The following OXR1 variants were observed in gnomAD, a reference collection of about 807,000 sequenced individuals.
OXR1 encodes oxidation resistance protein 1.
In OXR1, 41 loss-of-function variants were observed where a neutral mutation model predicts 104.6. That is an observed-to-expected ratio of 0.39 (90% CI 0.31 to 0.51). The LOEUF (loss-of-function observed/expected upper bound fraction) is 0.51, where lower values mean the gene tolerates loss of function less well. OXR1 is among the 20% of genes least tolerant of loss of function. OXR1 has a pLI of 0.77. For synonymous variants in OXR1, 348 were observed against 348.4 expected, an observed-to-expected ratio of 1.00 and a Z score of 0.01; for missense variants, 955 against 1,031.9, an observed-to-expected ratio of 0.93 and a Z score of 1.02.
chr8:106,532,174 G>T (rs1197343534), intron 3 of OXR1, among the ~76,000 whole-genome samples: 2 of 152,200 alleles, frequency 1.3e-5, no homozygotes, highest in Admixed American at 1.3e-4. Flanking sequence ...ACTTGTGAAG[G>T]GCTTTGCCTA....
intron 3 of OXR1, among the ~76,000 whole-genome samples, chr8:106,525,718 T>A (rs1813614487): frequency 6.6e-6 from 1 of 152,188 alleles, no homozygotes. Context: ...TCTGGAACTT[T>A]CCTTCAGTTG....
intron 11 of OXR1, among the ~76,000 whole-genome samples, chr8:106,728,075 A>G (rs1449332915): frequency 6.6e-6 from 1 of 152,072 alleles, no homozygotes; most frequent in Non-Finnish European, 1.5e-5. Context: ...TCTTTGTTTT[A>G]AAGCAGAGAT....
At chr8:106,311,250 G>C (rs1450578343) in intron 1 of OXR1, among the ~76,000 whole-genome samples, 1 of 151,818 alleles carries the variant, frequency 6.6e-6, no homozygotes. Context: ...TTTCATGTTT[G>C]CATGTCTTCT....
intron 7 of OXR1, among the ~76,000 whole-genome samples, chr8:106,696,668 G>A (rs1830062226): frequency 6.6e-6 from 1 of 152,068 alleles, no homozygotes; most frequent in Non-Finnish European, 1.5e-5. Context: ...GATCCGTAGT[G>A]GTAATATCTC....
rs115695180 is a variant in OXR1 at position 106,432,494 on chromosome 8, G to A, written c.23+72858G>A. Among the ~76,000 whole-genome samples the A allele has an allele frequency of 4.1e-3, 627 of 152,176 alleles. 3 individuals are homozygous for A. Among genetic ancestry groups the A allele is most frequent in the African/African-American group, 0.014 (591 of 41,526 alleles). ...CTCCTCTGGGCCTTTGCGTTTGCTC[G>A]TTCTTTCCCTTAGCTTATCCTCCCA... On this transcript the variant is annotated intron_variant, in intron 2 of 16. Transcript: ENST00000517566.
chr8:106,446,725 G>A lies in OXR1; in HGVS notation c.24-72218G>A, dbSNP rs377417482. The stretch of plus-strand genomic sequence containing the variant: ...GTGGGAGGATTGCTTAGGGCCAGGA[G>A]TTCAAGACCAGCCTGGGCAACATAG... On this transcript the variant is annotated intron_variant, in intron 2 of 16. Transcript: ENST00000517566. Among the ~76,000 whole-genome samples, 79 of 151,884 alleles carry A rather than the reference G, an allele frequency of 5.2e-4. No homozygotes were observed. In the South Asian group the frequency reaches 9.4e-3, roughly 18 times the overall value.
At chr8:106,360,526 A>G (rs937514952) in intron 2 of OXR1, among the ~76,000 whole-genome samples, 16 of 152,052 alleles carry the variant, frequency 1.1e-4, no homozygotes, top group African/African-American at 3.1e-4. Flanking sequence ...TAGGGCAAGG[A>G]TGTAATTATT....
At chr8:106,691,774 AT>A (rs1587108645) in intron 6 of OXR1, among the ~76,000 whole-genome samples, 1 of 150,636 alleles carries the variant, frequency 6.6e-6, no homozygotes, top group East Asian at 2.0e-4. Context: ...TGCATCAGCT[AT>A]TTTTTTCTTA....
intron 12 of OXR1, 108 bp from the exon 13 acceptor site, chr8:106,739,350 T>C: frequency 1.0e-6 from 1 of 978,918 alleles, no homozygotes; most frequent in Non-Finnish European, 1.5e-6. Context: ...GGTTAAAGAT[T>C]TAGCCACATT....
At chr8:106,580,042 C>CTGTGTA (rs1818122595) in intron 3 of OXR1, among the ~76,000 whole-genome samples, 1 of 152,168 alleles carries the variant, frequency 6.6e-6, no homozygotes, top group Non-Finnish European at 1.5e-5. Context: ...TGACTGGCAG[C>CTGTGTA]TGTGACTCTA....
chr8:106,366,905 A>G (rs1371594508), intron 2 of OXR1, among the ~76,000 whole-genome samples: 2 of 152,112 alleles, frequency 1.3e-5, no homozygotes, highest in Admixed American at 6.6e-5. Context: ...TACATTCTCC[A>G]TCTTCTTTCA....
chr8:106,702,551 G>C (rs1464923065), intron 7 of OXR1, among the ~76,000 whole-genome samples: 1 of 152,106 alleles, frequency 6.6e-6, no homozygotes, highest in Non-Finnish European at 1.5e-5. Flanking sequence ...TTTGGTACTT[G>C]TAGTGAGGGA....
intron 3 of OXR1, among the ~76,000 whole-genome samples, chr8:106,653,077 A>ATATATAT (rs1234539741): frequency 9.0e-6 from 1 of 110,922 alleles, no homozygotes; most frequent in East Asian, 4.4e-4. Flanking sequence ...AATAGAAAAA[A>ATATATAT]AAAAAAATAT....
At position 106,582,023 on chromosome 8, in the gene OXR1, CAAAAAAAAAA is replaced by C. The variant is rs71307074; in HGVS notation, c.220+62896_220+62905del. Reference sequence around the variant, plus strand: ...TGGGCAACAGAATGAGACTCTGTCTCAAAAAAAAAAAAAAAAAAAAACCTAAAAAACAACA... The same window carrying C: ...TGGGCAACAGAATGAGACTCTGTCTCAAAAAAAAAAACCTAAAAAACAACA... On this transcript the variant is annotated intron_variant, in intron 3 of 16. Transcript: ENST00000517566. Among the ~76,000 whole-genome samples the C allele has an allele frequency of 2.9e-4, 20 of 69,600 alleles. 1 individual carries two copies. The highest frequency in any genetic ancestry group is 1.1e-3 in the African/African-American group (19 of 16,818). The allele number at this position is 69,600 out of a possible 152,430, so 45.7% of individuals were successfully genotyped here.
chr8:106,741,168 C>T (rs1036451008), intron 14 of OXR1, among the ~76,000 whole-genome samples: 4 of 151,944 alleles, frequency 2.6e-5, no homozygotes, highest in African/African-American at 9.7e-5. Flanking sequence ...GGTTACATAC[C>T]CAAGAAAAAG....
At chr8:106,430,583 G>A (rs1478617731) in intron 2 of OXR1, among the ~76,000 whole-genome samples, 1 of 152,250 alleles carries the variant, frequency 6.6e-6, no homozygotes, top group East Asian at 1.9e-4. Flanking sequence ...ATAAAACTTT[G>A]AAAACTAAGA....
At chr8:106,518,907 T>G in intron 2 of OXR1, 36 bp from the exon 3 acceptor site, 2 of 1,437,278 alleles carry the variant, frequency 1.4e-6, no homozygotes, top group Non-Finnish European at 1.9e-6. Context: ...GTCTCTAGAA[T>G]CAGGATTCAT....
chr8:106,318,381 T>C (rs1484793674), intron 1 of OXR1, among the ~76,000 whole-genome samples: 1 of 152,220 alleles, frequency 6.6e-6, no homozygotes, highest in Non-Finnish European at 1.5e-5. Context: ...AATCTCTTCC[T>C]TGCTCAGAAA....
intron 1 of OXR1, chr8:106,272,130 A>G (rs1420216440): frequency 6.6e-6 from 1 of 152,148 alleles, no homozygotes; most frequent in African/African-American, 2.4e-5. Context: ...ACTAGAATAA[A>G]CACGTCCTAA....
Sources: gnomAD v4.1 joint callset for allele counts (sites outside exome capture counted in the v4.1 genomes callset) on GRCh38, gnomAD v4.1.1 for gene constraint, MANE v1.5 for transcripts, NCBI Gene and HGNC (gene_info 2026-07-23, HGNC 2026-07-21) for gene names.